SLC66A1: variants seen among roughly 807,000 people sequenced by gnomAD.
SLC66A1 encodes lysosomal amino acid transporter 1 homolog.
Under a neutral mutation model 33.0 loss-of-function variants are expected in SLC66A1, and 23 were observed. The observed-to-expected ratio is 0.70, with a 90% CI of 0.50 to 0.99. SLC66A1 has a LOEUF of 0.99. SLC66A1 is among the 50% of genes least tolerant of loss of function. The pLI is 0.00. For synonymous variants in SLC66A1, 164 were observed against 175.5 expected (o/e 0.93, Z 0.52); for missense variants, 335 against 383.6 (o/e 0.87, Z 1.06).
At chr1:19,315,309 T>G (rs1333477854) in intron 1 of SLC66A1, among the ~76,000 whole-genome samples, 4 of 152,222 alleles carry the variant, frequency 2.6e-5, no homozygotes, top group Non-Finnish European at 4.4e-5. Context: ...GTCCCCCAGG[T>G]GGGCCACGAA....
rs780272087 is a variant in SLC66A1, at chr1:19,326,621, AACGTGAGCCTCC to A, written c.618_618+11del. On this transcript the variant is annotated splice_donor_variant and splice_donor_5th_base_variant and coding_sequence_variant and intron_variant, in exon 6 of 8. Transcript: ENST00000375153. LOFTEE classifies it high-confidence loss of function. ...TTCCCGGCTGCCTCAGATCCGCACC[AACGTGAGCCTCC>A]AGCAGGGGCTGGGTGGGGCCGAGTA... 9.9e-6 allele frequency: 16 copies of A among 1,614,098 alleles called. No individual in the cohort carries two copies. Among genetic ancestry groups the A allele is most frequent in the Middle Eastern group, 1.6e-4 (1 of 6,062 alleles).
chr1:19,326,220 C>T (rs751928904), intron 4 of SLC66A1, 25 bp from the exon 5 acceptor site: 1 of 1,583,808 alleles, frequency 6.3e-7, no homozygotes, highest in African/African-American at 1.3e-5. Context: ...CATCTAACCT[C>T]AGCTTCCCCC....
chr1:19,318,467 C>T (rs1452160542), intron 2 of SLC66A1, among the ~76,000 whole-genome samples: 1 of 152,210 alleles, frequency 6.6e-6, no homozygotes, highest in Non-Finnish European at 1.5e-5. Context: ...AATATTGTTA[C>T]CTAACTAGAT....
At chr1:19,321,214 C>A (rs1339927425) in intron 2 of SLC66A1, among the ~76,000 whole-genome samples, 1 of 131,004 alleles carries the variant, frequency 7.6e-6, no homozygotes, top group African/African-American at 3.1e-5. Context: ...TACTCTGTCC[C>A]CCAGGCTGGA....
At chr1:19,330,117 C>T (rs117671478), downstream of SLC66A1, among the ~76,000 whole-genome samples, 184 of 152,284 alleles carry the variant, frequency 1.2e-3, 1 homozygote, top group East Asian at 0.021. Flanking sequence ...CAGATGAGCA[C>T]CACCATGCCT....
intron 7 of SLC66A1, 136 bp downstream of exon 7, chr1:19,327,548 C>CCTCT: frequency 9.4e-7 from 1 of 1,058,876 alleles, no homozygotes; most frequent in South Asian, 1.4e-5. Flanking sequence ...TCCCTCCCTC[C>CCTCT]CTCCCTCCAT....
downstream of SLC66A1, among the ~76,000 whole-genome samples, chr1:19,330,121 C>T (rs913764847): frequency 2.0e-5 from 3 of 152,194 alleles, no homozygotes; most frequent in Non-Finnish European, 2.9e-5. Context: ...TGAGCACCAC[C>T]ATGCCTGGCT....
intron 6 of SLC66A1, among the ~76,000 whole-genome samples, 188 bp downstream of exon 6, chr1:19,326,811 T>C (rs996034043): frequency 6.6e-6 from 1 of 152,052 alleles, no homozygotes; most frequent in African/African-American, 2.4e-5. Flanking sequence ...AAAATGGGCG[T>C]GGCGTGGCCT....
chr1:19,316,103 G>GT (rs2093803600), intron 1 of SLC66A1, among the ~76,000 whole-genome samples: 2 of 152,144 alleles, frequency 1.3e-5, no homozygotes, highest in African/African-American at 4.8e-5. Flanking sequence ...ACTGTCCAGG[G>GT]TGCCCGGGTA....
downstream of SLC66A1, among the ~76,000 whole-genome samples, chr1:19,330,106 A>G (rs747892375): frequency 9.2e-5 from 14 of 152,164 alleles, no homozygotes; most frequent in Non-Finnish European, 4.4e-5. Context: ...AGCTGGGACT[A>G]CAGATGAGCA....
chr1:19,330,291 AG>A (rs1204784048), downstream of SLC66A1, among the ~76,000 whole-genome samples: 18 of 152,164 alleles, frequency 1.2e-4, no homozygotes, highest in Non-Finnish European at 1.5e-5. Flanking sequence ...CTGGTGGGGT[AG>A]TCTTGGGGAG....
At chr1:19,330,294 C>T (rs1380417862), downstream of SLC66A1, among the ~76,000 whole-genome samples, 1 of 152,136 alleles carries the variant, frequency 6.6e-6, no homozygotes, top group Non-Finnish European at 1.5e-5. Flanking sequence ...GTGGGGTAGT[C>T]TTGGGGAGAG....
In SLC66A1 at chr1:19,325,532, T is replaced by C. The variant is rs1281255478; in HGVS notation, c.332T>C (p.Val111Ala). 1.9e-6 allele frequency: 3 copies of C among 1,611,370 alleles called. No individual in the cohort carries two copies. Among genetic ancestry groups the C allele is most frequent in the Non-Finnish European group, 2.5e-6 (3 of 1,177,790 alleles). The change falls in exon 4 of 8, where the codon GTG becomes GCG. Residue 111 changes from valine to alanine, a missense_variant. Coordinates refer to ENST00000375153, the MANE Select transcript of SLC66A1 (RefSeq NM_001040125.2). ...GTGTATTATGTCTTGGCAGACCTGG[T>C]GATGCTGACGCTGTACTTTTACTAC... ...TAVYYVLADL[V>A]MLTLYFYYKF... is the part of the protein sequence containing the mutation.
At chr1:19,316,423 C>T (rs1216070296) in intron 1 of SLC66A1, among the ~76,000 whole-genome samples, 3 of 151,746 alleles carry the variant, frequency 2.0e-5, no homozygotes, top group African/African-American at 7.3e-5. Flanking sequence ...TCAGCTCTGT[C>T]GCCCAGGCTG....
At chr1:19,319,748 C>T (rs1253864562) in intron 2 of SLC66A1, among the ~76,000 whole-genome samples, 1 of 150,118 alleles carries the variant, frequency 6.7e-6, no homozygotes, top group Non-Finnish European at 1.5e-5. Context: ...ACTAAAAATA[C>T]AAAAATTAGC....
chr1:19,319,496 A>G (rs1051838382), intron 2 of SLC66A1, among the ~76,000 whole-genome samples: 1 of 151,768 alleles, frequency 6.6e-6, no homozygotes, highest in Non-Finnish European at 1.5e-5. Context: ...GTGGCCGAAT[A>G]CTGTTTTACT....
chr1:19,327,562 T>C (rs1558154287), intron 7 of SLC66A1, 150 bp downstream of exon 7: 1 of 859,912 alleles, frequency 1.2e-6, no homozygotes, highest in Non-Finnish European at 1.7e-6. Flanking sequence ...CCTCCATCTG[T>C]TCACCCAGTC....
chr1:19,325,559 A>G lies in SLC66A1; in HGVS notation c.359A>G (p.Lys120Arg). 6.4e-7 allele frequency: 1 copy of G among 1,563,132 alleles called. No homozygotes were observed. Among genetic ancestry groups the G allele is most frequent in the East Asian group, 2.4e-5 (1 of 41,598 alleles). Residue 120 changes from lysine (K) to arginine (R), a missense_variant, in exon 4 of 8, where the codon AAG (lysine) becomes AGG (arginine). By Grantham distance (26) the Lys-to-Arg change is conservative (BLOSUM62 2). Transcript: ENST00000375153. ...LVMLTLYFYYKFRTRPSLLSA... is the reference protein window; with the variant it reads ...LVMLTLYFYYRFRTRPSLLSA... The stretch of plus-strand genomic sequence containing the variant: ...ATGCTGACGCTGTACTTTTACTACA[A>G]GTTCAGGACGCGCCCCTCTCTGTGT...
chr1:19,319,605 G>GTTTTTTTTTTGTTTTTTTTTGTTTTT lies in SLC66A1; in HGVS notation c.164+1774_164+1775insGTTTTTTTTTGTTTTTTTTTTTTTTT, dbSNP rs56769657. Reference sequence around the variant, plus strand: ...GATTAATGTTGCTGTGCACATTCATGTTTTTTTTTTTTTTTTGCCTGGTGC... The same window carrying GTTTTTTTTTTGTTTTTTTTTGTTTTT: ...GATTAATGTTGCTGTGCACATTCATGTTTTTTTTTTGTTTTTTTTTGTTTTTTTTTTTTTTTTTTTTTGCCTGGTGC... On this transcript the variant is annotated intron_variant, in intron 2 of 7. Coordinates refer to ENST00000375153, the MANE Select transcript of SLC66A1 (RefSeq NM_001040125.2). Among the ~76,000 whole-genome samples, 3 of 111,860 alleles carry GTTTTTTTTTTGTTTTTTTTTGTTTTT rather than the reference G, an allele frequency of 2.7e-5. 1 individual carries two copies. Among genetic ancestry groups the GTTTTTTTTTTGTTTTTTTTTGTTTTT allele is most frequent in the African/African-American group, 4.0e-5 (1 of 24,840 alleles). The allele number at this position is 111,860 out of a possible 152,430, so 73.4% of individuals were successfully genotyped here. A position where few individuals can be genotyped will look rare whatever the true frequency, so the allele number is the denominator to read the frequency against.
Sources: allele counts gnomAD v4.1 joint callset (sites outside exome capture counted in the v4.1 genomes callset), GRCh38; gene constraint gnomAD v4.1.1; transcripts MANE v1.5; gene names NCBI Gene and HGNC (gene_info 2026-07-23, HGNC 2026-07-21).